Variants in IQSEC1 observed in about 807,000 individuals in gnomAD.
IQSEC1 encodes IQ motif and Sec7 domain ArfGEF 1.
Under a neutral mutation model 91.0 loss-of-function variants are expected in IQSEC1, and 31 were observed. The observed-to-expected ratio is 0.34, with a 90% CI of 0.26 to 0.46. The LOEUF is 0.46. Among genes scored for constraint, IQSEC1 ranks in the 20% least tolerant of loss-of-function variants. The probability of loss-of-function intolerance (pLI) is 1.00; values close to 1 mark genes in which losing one functional copy is unlikely to be tolerated. For synonymous variants in IQSEC1, 699 were observed against 662.6 expected, an observed-to-expected ratio of 1.05 and a Z score of -0.84; for missense variants, 1,388 against 1,575.6, an observed-to-expected ratio of 0.88 and a Z score of 2.02.
Position 12,898,192 on chromosome 3 carries a change from G to T in IQSEC1, c.*2791C>A, listed in dbSNP as rs1441336544. On this transcript the variant is annotated 3_prime_UTR_variant, in exon 14 of 14. Coordinates refer to ENST00000613206, the MANE Select transcript of IQSEC1 (RefSeq NM_001134382.3). The stretch of plus-strand genomic sequence containing the variant: ...GACCCCGAAGCTGTGGCTCTGACAG[G>T]TGGGATCTCTAAAGGGGACAGTCCC... 1 of 152,270 alleles carries T rather than the reference G, an allele frequency of 6.6e-6. No homozygotes were observed. Among genetic ancestry groups the T allele is most frequent in the Non-Finnish European group, 1.5e-5 (1 of 68,062 alleles). The allele number at this position is 152,270 out of a possible 1,614,324, so 9.4% of individuals were successfully genotyped here. A position where few individuals can be genotyped will look rare whatever the true frequency, so the allele number is the denominator to read the frequency against.
chr3:13,244,701 G>A (rs980590877), intron 1 of IQSEC1, among the ~76,000 whole-genome samples: 2 of 152,206 alleles, frequency 1.3e-5, no homozygotes, highest in African/African-American at 4.8e-5. Context: ...CAGTGGCAAA[G>A]GAATCCTTTC....
intron 1 of IQSEC1, among the ~76,000 whole-genome samples, chr3:12,943,816 G>A (rs1698978430): frequency 6.6e-6 from 1 of 152,274 alleles, no homozygotes; most frequent in South Asian, 2.1e-4. Flanking sequence ...CAGTGGCCCA[G>A]GTGGTAGGGA....
intron 2 of IQSEC1, among the ~76,000 whole-genome samples, chr3:13,104,795 G>A (rs1706124198): frequency 6.6e-6 from 1 of 152,178 alleles, no homozygotes; most frequent in African/African-American, 2.4e-5. Flanking sequence ...TGACCCATGT[G>A]AGGGGCTGTA....
At chr3:12,914,310 T>A (rs544022955) in intron 8 of IQSEC1, among the ~76,000 whole-genome samples, 3 of 152,290 alleles carry the variant, frequency 2.0e-5, no homozygotes, top group African/African-American at 7.2e-5. Flanking sequence ...GGCCTGGCTC[T>A]GGGAGTGCCC....
intron 2 of IQSEC1, among the ~76,000 whole-genome samples, chr3:13,108,113 G>T (rs1418994871): frequency 2.6e-5 from 4 of 152,234 alleles, no homozygotes; most frequent in African/African-American, 9.6e-5. Flanking sequence ...TTCCCCAGGG[G>T]ATTGTTTTTC....
intron 1 of IQSEC1, among the ~76,000 whole-genome samples, chr3:12,945,447 C>T (rs757760904): frequency 2.0e-5 from 3 of 151,708 alleles, no homozygotes; most frequent in East Asian, 3.9e-4. Context: ...CCGACTCAAA[C>T]GCCCCCATTC....
chr3:13,029,808 C>A (rs1403938119), intron 1 of IQSEC1, among the ~76,000 whole-genome samples: 3 of 152,214 alleles, frequency 2.0e-5, no homozygotes, highest in Non-Finnish European at 4.4e-5. Context: ...TGGGCTGGGT[C>A]CTCACCTCCT....
At position 13,282,572 on chromosome 3, in the gene IQSEC1, G is replaced by A. The variant is rs981582105; in HGVS notation, c.272+139C>T. ...AATCCCAGGGAGCCCCTGGGGGTCT[G>A]GCGGCGGGTGTGGGCGCTCCCGGGC... On this transcript the variant is annotated intron_variant, in intron 1 of 15. Transcript: ENST00000648114. The surrounding 1 kb of genome is among the most constrained non-coding windows in gnomAD (Gnocchi z 6.4). Among the ~76,000 whole-genome samples the A allele has an allele frequency of 6.6e-6, 1 of 151,764 alleles. No homozygotes were observed. The highest frequency in any genetic ancestry group is 1.5e-5 in the Non-Finnish European group (1 of 67,836).
intron 1 of IQSEC1, among the ~76,000 whole-genome samples, chr3:12,981,275 ATATC>A (rs780734910): frequency 1.6e-4 from 25 of 152,232 alleles, no homozygotes; most frequent in Non-Finnish European, 2.6e-4. Context: ...GAGGATAGTA[ATATC>A]TACCTTGTAG....
chr3:12,904,463 G>T (rs1396098495), intron 12 of IQSEC1, among the ~76,000 whole-genome samples: 2 of 152,228 alleles, frequency 1.3e-5, no homozygotes, highest in African/African-American at 2.4e-5. Flanking sequence ...AGTAAGAGGA[G>T]GCTCACATTT....
At chr3:12,959,529 G>C (rs1426569097) in intron 1 of IQSEC1, among the ~76,000 whole-genome samples, 3 of 152,124 alleles carry the variant, frequency 2.0e-5, no homozygotes, top group Admixed American at 1.3e-4. Context: ...CCAGACACAG[G>C]GCATCCCAAA....
chr3:13,272,222 TC>T, intron 1 of IQSEC1, among the ~76,000 whole-genome samples: 1 of 152,048 alleles, frequency 6.6e-6, no homozygotes, highest in East Asian at 1.9e-4. Context: ...TTGCCTCAGT[TC>T]CCCCATATAT....
In IQSEC1 at chr3:13,259,047, C is replaced by A. The variant is rs1401235595; in HGVS notation, c.272+23664G>T. 6.6e-6 allele frequency among the ~76,000 whole-genome samples: 1 copy of A among 152,186 alleles called. No homozygotes were observed. Among genetic ancestry groups the A allele is most frequent in the Non-Finnish European group, 1.5e-5 (1 of 68,032 alleles). On this transcript the variant is annotated intron_variant, in intron 1 of 15. Transcript: ENST00000648114. This position sits in a 1 kb window ranked among gnomAD's most constrained non-coding sequence, Gnocchi z 4.6. ...CTCTTTCCCTATAGTCTATCTCACACCATGGCCAGAGAGGTCTCTCAACAT... is the reference window on the plus strand; with the variant it reads ...CTCTTTCCCTATAGTCTATCTCACAACATGGCCAGAGAGGTCTCTCAACAT...
At chr3:13,217,788 A>C (rs1694578202) in intron 1 of IQSEC1, among the ~76,000 whole-genome samples, 1 of 152,218 alleles carries the variant, frequency 6.6e-6, no homozygotes, top group South Asian at 2.1e-4. Flanking sequence ...CATTACTTGA[A>C]ATAGAAAAGA....
At chr3:12,969,320 T>C (rs1241257951) in intron 1 of IQSEC1, among the ~76,000 whole-genome samples, 2 of 152,148 alleles carry the variant, frequency 1.3e-5, no homozygotes, top group Non-Finnish European at 2.9e-5. Flanking sequence ...AATAAGCCCA[T>C]GAAAAGATGC....
At chr3:12,971,695 G>T (rs1415076325) in intron 1 of IQSEC1, among the ~76,000 whole-genome samples, 4 of 151,368 alleles carry the variant, frequency 2.6e-5, no homozygotes, top group Non-Finnish European at 4.4e-5. Context: ...ACTCCAGCCT[G>T]GGAGACAGAG....
intron 1 of IQSEC1, among the ~76,000 whole-genome samples, chr3:13,266,692 G>T (rs959015323): frequency 3.9e-4 from 60 of 152,266 alleles, no homozygotes; most frequent in Admixed American, 3.8e-3. Flanking sequence ...CCTCTCCAAG[G>T]TAGGCACAGG....
intron 2 of IQSEC1, among the ~76,000 whole-genome samples, chr3:13,106,846 T>C (rs1422948659): frequency 6.6e-6 from 1 of 152,216 alleles, no homozygotes; most frequent in Non-Finnish European, 1.5e-5. Context: ...GACCTTAAAA[T>C]CGTTAACATA....
chr3:13,108,267 A>G (rs933097605), intron 2 of IQSEC1, among the ~76,000 whole-genome samples: 1 of 152,248 alleles, frequency 6.6e-6, no homozygotes, highest in South Asian at 2.1e-4. Flanking sequence ...TGGCTGTAAT[A>G]TAAATCATGA....
Sources: gnomAD v4.1 joint callset for allele counts (sites outside exome capture counted in the v4.1 genomes callset) on GRCh38, gnomAD v4.1.1 for gene constraint, Gnocchi (gnomAD v3.1) non-coding constraint, MANE v1.5 for transcripts, NCBI Gene and HGNC (gene_info 2026-07-23, HGNC 2026-07-21) for gene names.